SGCZ: variants seen among roughly 807,000 people sequenced by gnomAD.
SGCZ encodes the protein sarcoglycan zeta.
SGCZ carries 40 observed loss-of-function variants against 41.3 expected under a neutral mutation model. The observed-to-expected ratio is 0.97, with a 90% CI of 0.75 to 1.26. The LOEUF (loss-of-function observed/expected upper bound fraction) is 1.26. Ranked by LOEUF, SGCZ falls within the 50% of genes most tolerant of loss-of-function variation. The pLI, the probability that SGCZ is intolerant of heterozygous loss-of-function variation, is 0.00. For missense variants in SGCZ, 552 were observed against 369.8 expected (o/e 1.49, Z -4.04); for synonymous variants, 206 against 137.5 (o/e 1.50, Z -3.49).
At chr8:14,327,990 A>G (rs1802184001) in intron 2 of SGCZ, among the ~76,000 whole-genome samples, 1 of 152,206 alleles carries the variant, frequency 6.6e-6, no homozygotes. Flanking sequence ...CATGCTGGAC[A>G]AGGACTGCTC....
At chr8:14,831,845 C>T (rs957007409) in intron 1 of SGCZ, among the ~76,000 whole-genome samples, 11 of 147,506 alleles carry the variant, frequency 7.5e-5, no homozygotes, top group Admixed American at 6.7e-4. Flanking sequence ...TGTGCACATA[C>T]ATGTATATAA....
chr8:14,397,949 A>G (rs1242418480), intron 2 of SGCZ, among the ~76,000 whole-genome samples: 4 of 152,124 alleles, frequency 2.6e-5, no homozygotes, highest in African/African-American at 9.7e-5. Flanking sequence ...ACAGGCAGCT[A>G]GACATTCTGA....
At chr8:14,267,670 G>C (rs942737772) in intron 3 of SGCZ, among the ~76,000 whole-genome samples, 10 of 152,052 alleles carry the variant, frequency 6.6e-5, no homozygotes, top group African/African-American at 2.4e-4. Context: ...ATGAGCAGCA[G>C]TGGGATTGTG....
chr8:15,086,436 C>T (rs982686784), intron 1 of SGCZ, among the ~76,000 whole-genome samples: 1 of 152,094 alleles, frequency 6.6e-6, no homozygotes, highest in Non-Finnish European at 1.5e-5. Flanking sequence ...TATTTTCTTT[C>T]CATGCCCTTG....
intron 4 of SGCZ, among the ~76,000 whole-genome samples, chr8:14,203,392 C>G (rs1454134633): frequency 6.6e-6 from 1 of 152,132 alleles, no homozygotes; most frequent in East Asian, 1.9e-4. Context: ...TTTACCTTGG[C>G]TAACATAGAA....
chr8:14,418,426 C>T (rs1211525270), intron 2 of SGCZ, among the ~76,000 whole-genome samples: 1 of 151,880 alleles, frequency 6.6e-6, no homozygotes, highest in Non-Finnish European at 1.5e-5. Flanking sequence ...GTGAGAGAAA[C>T]GGACTTCTGG....
intron 2 of SGCZ, among the ~76,000 whole-genome samples, chr8:14,495,042 C>T (rs1388505330): frequency 6.6e-6 from 1 of 152,136 alleles, no homozygotes; most frequent in African/African-American, 2.4e-5. Context: ...CCATTCTGAA[C>T]ATGCTCCCCA....
chr8:15,124,294 G>C (rs1807596038), intron 1 of SGCZ, among the ~76,000 whole-genome samples: 1 of 152,074 alleles, frequency 6.6e-6, no homozygotes, highest in South Asian at 2.1e-4. Context: ...CAAGGATGGA[G>C]AGAAAAAAAG....
At position 14,216,305 on chromosome 8, in the gene SGCZ, C is replaced by G. The variant is rs1259982959; in HGVS notation, c.424+21287G>C. On this transcript the variant is annotated intron_variant, in intron 4 of 7. Coordinates refer to ENST00000382080, the MANE Select transcript of SGCZ (RefSeq NM_139167.4). The stretch of plus-strand genomic sequence containing the variant: ...TTCCGAGAAGTTTTGTGTCCTTTTC[C>G]TATACTTTCTCCTACCACCCTGACT... Among the ~76,000 whole-genome samples, 5 of 152,200 alleles carry G rather than the reference C, an allele frequency of 3.3e-5. No homozygotes were observed. The South Asian group carries it at 1.0e-3, about 32-fold the overall frequency.
intron 1 of SGCZ, among the ~76,000 whole-genome samples, chr8:15,145,887 C>A (rs1407404162): frequency 6.6e-6 from 1 of 152,190 alleles, no homozygotes; most frequent in Non-Finnish European, 1.5e-5. Context: ...TTTATCTCCT[C>A]TGCCTCCCTA....
At chr8:14,115,032 A>G (rs1377741014) in intron 5 of SGCZ, among the ~76,000 whole-genome samples, 1 of 152,026 alleles carries the variant, frequency 6.6e-6, no homozygotes, top group African/African-American at 2.4e-5. Context: ...TCCATTTTCT[A>G]ATTCCTACCT....
At chr8:14,247,784 T>C (rs1043196819) in intron 3 of SGCZ, among the ~76,000 whole-genome samples, 7 of 152,160 alleles carry the variant, frequency 4.6e-5, no homozygotes, top group Non-Finnish European at 7.4e-5. Context: ...CCACTGTGAG[T>C]GCTACTGTCT....
At chr8:14,469,999 A>T (rs7014501) in intron 2 of SGCZ, among the ~76,000 whole-genome samples, 7 of 152,124 alleles carry the variant, frequency 4.6e-5, no homozygotes, top group Non-Finnish European at 7.4e-5. Context: ...AGATGGGTTG[A>T]TGGGAACCCC....
At chr8:14,208,243 T>C (rs533000135) in intron 4 of SGCZ, among the ~76,000 whole-genome samples, 2 of 152,304 alleles carry the variant, frequency 1.3e-5, no homozygotes, top group Non-Finnish European at 2.9e-5. Flanking sequence ...GGATGACAGA[T>C]AATTTAAAGG....
intron 3 of SGCZ, among the ~76,000 whole-genome samples, chr8:14,248,382 G>C (rs535557455): frequency 6.5e-4 from 99 of 152,296 alleles, no homozygotes; most frequent in African/African-American, 2.2e-3. Context: ...GATAATGTGC[G>C]TGTGTAGAGA....
intron 2 of SGCZ, among the ~76,000 whole-genome samples, chr8:14,449,126 C>A (rs1357617160): frequency 1.3e-5 from 2 of 152,104 alleles, no homozygotes; most frequent in African/African-American, 2.4e-5. Context: ...GCAAAACATT[C>A]GGGGAGGAAT....
intron 1 of SGCZ, among the ~76,000 whole-genome samples, chr8:15,133,025 C>T (rs1389142952): frequency 6.6e-6 from 1 of 152,036 alleles, no homozygotes; most frequent in Admixed American, 6.5e-5. Context: ...GGCCTGTAGT[C>T]CCAGCTACTT....
At chr8:14,325,099 C>T (rs868100978) in intron 2 of SGCZ, among the ~76,000 whole-genome samples, 3 of 151,956 alleles carry the variant, frequency 2.0e-5, no homozygotes, top group African/African-American at 7.3e-5. Flanking sequence ...AAGTCAGATT[C>T]CAAAAGAAGA....
At chr8:14,436,430 A>T (rs1800095323) in intron 2 of SGCZ, among the ~76,000 whole-genome samples, 1 of 152,230 alleles carries the variant, frequency 6.6e-6, no homozygotes, top group Non-Finnish European at 1.5e-5. Flanking sequence ...ATTCAGGATA[A>T]TCTAGCCCAC....
Sources: allele counts gnomAD v4.1 joint callset (sites outside exome capture counted in the v4.1 genomes callset), GRCh38; gene constraint gnomAD v4.1.1; transcripts MANE v1.5; gene names NCBI Gene and HGNC (gene_info 2026-07-23, HGNC 2026-07-21).